LOXL4: variants seen among roughly 807,000 people sequenced by gnomAD.
LOXL4 encodes the protein lysyl oxidase like 4.
Under a neutral mutation model 89.1 loss-of-function variants are expected in LOXL4, and 72 were observed. The ratio of observed to expected loss-of-function variants is 0.81; its 90% CI spans 0.67 to 0.98. LOXL4 has a LOEUF of 0.98. LOXL4 is among the 50% of genes least tolerant of loss of function. The probability of loss-of-function intolerance (pLI) is 0.00; values close to 1 mark genes in which losing one functional copy is unlikely to be tolerated. For synonymous variants in LOXL4, 355 were observed against 392.1 expected, an observed-to-expected ratio of 0.91 and a Z score of 1.12; for missense variants, 984 against 1,017.5, an observed-to-expected ratio of 0.97 and a Z score of 0.45.
At chr10:98,255,400 G>T (rs1858329855) in intron 10 of LOXL4, among the ~76,000 whole-genome samples, 177 bp downstream of exon 10, 1 of 152,148 alleles carries the variant, frequency 6.6e-6, no homozygotes, top group Non-Finnish European at 1.5e-5. Flanking sequence ...CCGTGAGGGG[G>T]CAGGGTATGG....
rs549509610 is a variant in LOXL4, at chr10:98,265,677, C to T, written c.-33+2455G>A. Among the ~76,000 whole-genome samples, 7 of 71,474 alleles carry T rather than the reference C, an allele frequency of 9.8e-5. 2 individuals carry two copies. Among genetic ancestry groups the T allele is most frequent in the Admixed American group, 2.3e-4 (2 of 8,754 alleles). The allele number at this position is 71,474 out of a possible 152,430, so 46.9% of individuals were successfully genotyped here. The stretch of plus-strand genomic sequence containing the variant: ...CCTCCCAAAGTGACGGGATTACCAG[C>T]GTGAGCCACTACATCGGCCAACAAT... On this transcript the variant is annotated intron_variant, in intron 1 of 14. Coordinates refer to ENST00000260702, the MANE Select transcript of LOXL4 (RefSeq NM_032211.7).
chr10:98,257,608 T>C, intron 8 of LOXL4, 42 bp downstream of exon 8: 1 of 1,593,358 alleles, frequency 6.3e-7, no homozygotes, highest in Non-Finnish European at 8.5e-7. Flanking sequence ...CCCCAGGGTT[T>C]CCCGGCCCCC....
intron 11 of LOXL4, 75 bp from the exon 12 acceptor site, chr10:98,252,543 A>G: frequency 1.1e-6 from 1 of 938,350 alleles, no homozygotes. Context: ...TAGGGAAGAC[A>G]GGCCCCAGGC....
intron 11 of LOXL4, among the ~76,000 whole-genome samples, chr10:98,252,871 C>G (rs1858242647): frequency 6.6e-6 from 1 of 152,194 alleles, no homozygotes; most frequent in Admixed American, 6.5e-5. Flanking sequence ...GTTTCCAATC[C>G]AGTTATAATG....
chr10:98,261,176 G>A (rs1858530515), intron 3 of LOXL4, 49 bp from the exon 4 acceptor site: 2 of 1,570,070 alleles, frequency 1.3e-6, no homozygotes, highest in Non-Finnish European at 8.7e-7. Context: ...TGCTCCTCCA[G>A]TGGAGCCTGC....
In LOXL4 at chr10:98,257,990, G is replaced by A. The variant is rs762223261; in HGVS notation, c.1096C>T (p.Leu366=). ...SAREALFGAR[L]GQGLGPIHLS... ...AGGCTGTCTCACTCACCTTGGCCCA[G>A]CCGGGCCCCAAAGAGGGCCTCCCGA... The change falls in exon 7 of 15, where the codon CTG becomes TTG. Residue 366 remains leucine (L), a synonymous_variant. Transcript: ENST00000260702. 3.1e-6 allele frequency: 5 copies of A among 1,613,766 alleles called. No individual in the cohort carries two copies. Among genetic ancestry groups the A allele is most frequent in the Non-Finnish European group, 4.2e-6 (5 of 1,179,962 alleles).
chr10:98,265,732 G>A (rs1160463448), intron 1 of LOXL4, among the ~76,000 whole-genome samples: 3 of 152,186 alleles, frequency 2.0e-5, no homozygotes, highest in South Asian at 2.1e-4. Flanking sequence ...CTGTGACAGC[G>A]ACGATAGAAC....
intron 1 of LOXL4, among the ~76,000 whole-genome samples, chr10:98,267,493 A>G (rs1858710588): frequency 6.6e-6 from 1 of 152,188 alleles, no homozygotes; most frequent in Non-Finnish European, 1.5e-5. Flanking sequence ...CTGAGGGTGC[A>G]GCAACTTTAG....
intron 4 of LOXL4, among the ~76,000 whole-genome samples, chr10:98,260,528 T>G (rs969243085): frequency 6.6e-6 from 1 of 151,970 alleles, no homozygotes; most frequent in Non-Finnish European, 1.5e-5. Flanking sequence ...AATTCGAGAG[T>G]GCAGTGTTTG....
chr10:98,265,371 CTAT>C (rs148906358), intron 1 of LOXL4, among the ~76,000 whole-genome samples: 9,768 of 118,616 alleles, frequency 0.082, 1,250 homozygotes, highest in East Asian at 0.19. Flanking sequence ...TAACAATGAA[CTAT>C]TATTATTATT....
intron 1 of LOXL4, among the ~76,000 whole-genome samples, chr10:98,266,214 C>G (rs1231816447): frequency 6.6e-6 from 1 of 152,200 alleles, no homozygotes; most frequent in East Asian, 1.9e-4. Context: ...TCACATGGGT[C>G]TGGGCTGAGT....
chr10:98,256,617 G>C (rs1449155079), intron 9 of LOXL4, 163 bp downstream of exon 9: 1 of 733,814 alleles, frequency 1.4e-6, no homozygotes, highest in East Asian at 2.7e-5. Flanking sequence ...ATGTCTTCTT[G>C]TTTACCACAC....
At chr10:98,251,427 C>A (rs1858188729) in intron 13 of LOXL4, 139 bp downstream of exon 13, 1 of 1,196,416 alleles carries the variant, frequency 8.4e-7, no homozygotes, top group South Asian at 1.5e-5. Context: ...CTGTTACTTC[C>A]CTAACAGGAC....
rs74153546 is a variant in LOXL4 at position 98,262,085 on chromosome 10, G to A, written c.406C>T (p.Arg136Cys). ...GTTTCAGAAAGGTAGCCACGATGGC[G>A]CCGGGGGTGGCATATCACCCCTACG... ...EDVGVICHPR[R>C]HRGYLSETVS... Residue 136 changes from arginine to cysteine, a missense_variant, in exon 3 of 15, where the codon CGC becomes TGC. Transcript: ENST00000260702. 28 of 1,612,122 alleles carry A rather than the reference G, an allele frequency of 1.7e-5. No individual in the cohort carries two copies. The highest frequency in any genetic ancestry group is 8.8e-5 in the South Asian group (8 of 90,868).
intron 2 of LOXL4, 83 bp downstream of exon 2, chr10:98,262,660 G>T: frequency 6.6e-7 from 1 of 1,517,508 alleles, no homozygotes; most frequent in Non-Finnish European, 9.0e-7. Flanking sequence ...GGGTATTAAA[G>T]GATGGGTGGG....
chr10:98,253,121 C>A (rs1261783085), intron 11 of LOXL4, among the ~76,000 whole-genome samples: 1 of 152,222 alleles, frequency 6.6e-6, no homozygotes, highest in East Asian at 1.9e-4. Context: ...TCTTTGAGGG[C>A]CTTGCCTTAC....
rs150271620 is a variant in LOXL4 at position 98,257,645 on chromosome 10, C to T, written c.1260+5G>A. ...GCCTGAGGCCATGCTCAGACCCAAA[C>T]TCACCTGATTCTGAAAGCCCATGTT... is the stretch of plus-strand genomic sequence containing the variant. On this transcript the variant is annotated splice_donor_5th_base_variant and intron_variant, in intron 8 of 14. Coordinates refer to ENST00000260702, the MANE Select transcript of LOXL4 (RefSeq NM_032211.7). 1.7e-4 allele frequency: 273 copies of T among 1,612,350 alleles called. 1 individual carries two copies. The African/African-American group carries it at 2.8e-3, about 17-fold the overall frequency.
At chr10:98,267,469 T>TG (rs1033392829) in intron 1 of LOXL4, among the ~76,000 whole-genome samples, 11 of 152,094 alleles carry the variant, frequency 7.2e-5, no homozygotes, top group African/African-American at 1.9e-4. Context: ...AGAGAGAGCA[T>TG]GGGGGGTGCT....
chr10:98,255,591 A>G lies in LOXL4; in HGVS notation c.1577T>C (p.Val526Ala). The G allele has an allele frequency of 3.1e-6, 5 of 1,608,370 alleles. No individual in the cohort carries two copies. The highest frequency in any genetic ancestry group is 4.3e-6 in the Non-Finnish European group (5 of 1,175,690). Reference sequence around the variant, plus strand: ...CCGTCACTCACTGTCCATGCAGGAGACTCCAGCCAGGAAGCGCCCGCCACC... The same window carrying G: ...CCGTCACTCACTGTCCATGCAGGAGGCTCCAGCCAGGAAGCGCCCGCCACC... ...SHGGGRFLAG[V>A]SCMDSAPDLV... Residue 526 changes from valine to alanine, a missense_variant, in exon 10 of 15, where the codon GTC becomes GCC. By Grantham distance (64) the Val-to-Ala change is moderately conservative. Coordinates refer to ENST00000260702, the MANE Select transcript of LOXL4 (RefSeq NM_032211.7).
Sources: allele counts gnomAD v4.1 joint callset (sites outside exome capture counted in the v4.1 genomes callset), GRCh38; gene constraint gnomAD v4.1.1; transcripts MANE v1.5; gene names NCBI Gene and HGNC (gene_info 2026-07-23, HGNC 2026-07-21).